The following NAA15 variants were observed in gnomAD, a reference collection of about 807,000 sequenced individuals.
The protein encoded by NAA15 is N-terminal acetyltransferase.
A neutral mutation model predicts 114.0 loss-of-function variants in NAA15; 34 were observed. The observed-to-expected ratio is 0.30, with a 90% confidence interval of 0.23 to 0.40. NAA15 has a LOEUF of 0.40. NAA15 is among the 10% of genes least tolerant of loss of function. The pLI, the probability that NAA15 is intolerant of heterozygous loss-of-function variation, is 1.00. For missense variants in NAA15, 658 were observed against 1,004.5 expected, an observed-to-expected ratio of 0.66 and a Z score of 4.66; for synonymous variants, 340 against 338.0, an observed-to-expected ratio of 1.01 and a Z score of -0.06.
intron 1 of NAA15, among the ~76,000 whole-genome samples, chr4:139,304,670 T>C (rs1015087215): frequency 1.3e-5 from 2 of 152,246 alleles, no homozygotes; most frequent in Non-Finnish European, 2.9e-5. Flanking sequence ...AAAATAGTTT[T>C]TACCTATGGA....
Position 139,351,588 on chromosome 4 carries a change from T to C in NAA15, c.991T>C (p.Ser331Pro). The stretch of plus-strand genomic sequence containing the variant: ...CCCACCAGTCTTCAATACTTTAAGA[T>C]CATTATACAAAGACAAAGAAAAGGT... ...GCPPVFNTLRSLYKDKEKVAI... is the reference protein window; with the variant it reads ...GCPPVFNTLRPLYKDKEKVAI... Residue 331 changes from serine (S) to proline (P), a missense_variant, in exon 9 of 20, where the codon TCA becomes CCA. Around this residue, in one of 6 missense-constraint regions of NAA15, gnomAD observed 281 missense variants for 389.1 expected, o/e 0.72. Transcript: ENST00000296543. The C allele has an allele frequency of 1.3e-6, 2 of 1,570,792 alleles. No individual in the cohort carries two copies. The highest frequency in any genetic ancestry group is 1.8e-6 in the Non-Finnish European group (2 of 1,141,148).
intron 1 of NAA15, among the ~76,000 whole-genome samples, chr4:139,320,590 G>A (rs1465530694): frequency 2.0e-5 from 3 of 151,934 alleles, no homozygotes; most frequent in African/African-American, 4.8e-5. Context: ...GCATGATCTC[G>A]GCTCACTGCA....
At chr4:139,342,479 G>GTT (rs11402847) in intron 4 of NAA15, among the ~76,000 whole-genome samples, 26,521 of 125,336 alleles carry the variant, frequency 0.21, 3,315 homozygotes, top group South Asian at 0.38. Flanking sequence ...ATTAATGTGT[G>GTT]TTTTTTTTTT....
intron 8 of NAA15, 58 bp downstream of exon 8, chr4:139,351,344 C>A: frequency 7.4e-7 from 1 of 1,342,448 alleles, no homozygotes; most frequent in Non-Finnish European, 1.1e-6. Flanking sequence ...AGTTTCTTTT[C>A]TTGGTTTTAA....
chr4:139,323,900 T>C (rs1746703495), intron 1 of NAA15, among the ~76,000 whole-genome samples: 1 of 152,310 alleles, frequency 6.6e-6, no homozygotes, highest in South Asian at 2.1e-4. Flanking sequence ...TATTATCTAT[T>C]AGAACAATTC....
chr4:139,301,813 G>A lies in NAA15; in HGVS notation c.36G>A (p.Ala12=). The change falls in exon 1 of 20, where the codon GCG becomes GCA. Residue 12 remains alanine (A), a synonymous_variant. Coordinates refer to ENST00000296543, the MANE Select transcript of NAA15 (RefSeq NM_057175.5). ...PAVSLPPKEN[A]LFKRILRCYE... ...TGAGCCTCCCGCCCAAGGAGAATGC[G>A]CTCTTCAAGCGGATCTTGGTAAGTG... 2 of 1,593,418 alleles carry A rather than the reference G, an allele frequency of 1.3e-6. No homozygotes were observed.
At chr4:139,325,972 C>T (rs1455762525) in intron 1 of NAA15, among the ~76,000 whole-genome samples, 2 of 152,202 alleles carry the variant, frequency 1.3e-5, no homozygotes, top group African/African-American at 2.4e-5. Context: ...TATAGGTTCA[C>T]ATAAGTATTG....
chr4:139,369,698 A>G (rs1748379366), intron 14 of NAA15, among the ~76,000 whole-genome samples: 1 of 141,052 alleles, frequency 7.1e-6, no homozygotes, highest in Non-Finnish European at 1.5e-5. Flanking sequence ...AGATCTCGCC[A>G]CTGCACTCCA....
At chr4:139,383,898 C>T (rs996966837) in intron 17 of NAA15, among the ~76,000 whole-genome samples, 3 of 152,096 alleles carry the variant, frequency 2.0e-5, no homozygotes, top group African/African-American at 4.8e-5. Context: ...TTAATTGAAA[C>T]GTGTGCCTTA....
intron 1 of NAA15, among the ~76,000 whole-genome samples, chr4:139,324,596 C>A (rs1746728120): frequency 6.6e-6 from 1 of 152,162 alleles, no homozygotes; most frequent in African/African-American, 2.4e-5. Context: ...TAGTATTTTG[C>A]ATTTCACTTT....
intron 10 of NAA15, among the ~76,000 whole-genome samples, chr4:139,354,725 ATTTATTTATAGC>A (rs1747886860): frequency 6.6e-6 from 1 of 152,208 alleles, no homozygotes; most frequent in South Asian, 2.1e-4. Context: ...TCATAATTGA[ATTTATTTATAGC>A]TTCTCCTACT....
chr4:139,378,218 A>G (rs1748644369), intron 16 of NAA15, among the ~76,000 whole-genome samples: 1 of 152,194 alleles, frequency 6.6e-6, no homozygotes. Flanking sequence ...TGGAGATACT[A>G]CTGAATCTTG....
intron 10 of NAA15, 89 bp from the exon 11 acceptor site, chr4:139,357,297 C>T (rs2110948627): frequency 9.4e-7 from 1 of 1,067,304 alleles, no homozygotes; most frequent in Non-Finnish European, 1.4e-6. Context: ...CATAGTACCT[C>T]CCTTGTTAAT....
chr4:139,336,617 A>AT (rs1368585881), intron 2 of NAA15, among the ~76,000 whole-genome samples: 3 of 152,144 alleles, frequency 2.0e-5, no homozygotes, highest in African/African-American at 4.8e-5. Context: ...CTTAAAAAAA[A>AT]GGAGAGTCTC....
Position 139,328,146 on chromosome 4 carries a change from T to G in NAA15, c.55-6028T>G, listed in dbSNP as rs535028815. 4.9e-4 allele frequency among the ~76,000 whole-genome samples: 74 copies of G among 152,194 alleles called. No individual in the cohort carries two copies. In the South Asian group the frequency reaches 0.015, roughly 31 times the overall value. The stretch of plus-strand genomic sequence containing the variant: ...TTTTTTTTCTTCTTCTGAAGTGTCA[T>G]AAAATCTGCTTTACTCTTATCTGGG... On this transcript the variant is annotated intron_variant, in intron 1 of 19. Coordinates refer to ENST00000296543, the MANE Select transcript of NAA15 (RefSeq NM_057175.5).
intron 6 of NAA15, among the ~76,000 whole-genome samples, chr4:139,345,749 T>C (rs1458201589): frequency 6.6e-6 from 1 of 152,092 alleles, no homozygotes; most frequent in Non-Finnish European, 1.5e-5. Context: ...TGAAACCTCG[T>C]CTCTACTAAA....
chr4:139,339,148 A>G (rs915571114), intron 3 of NAA15, among the ~76,000 whole-genome samples: 3 of 152,156 alleles, frequency 2.0e-5, no homozygotes, highest in African/African-American at 7.2e-5. Flanking sequence ...AAGAAACGTT[A>G]TAAGTTTCTG....
In NAA15 at chr4:139,354,052, A is replaced by G. The variant is rs746418549; in HGVS notation, c.1041A>G (p.Val347=). Residue 347 remains valine (V), a synonymous_variant, in exon 10 of 20, where the codon GTA becomes GTG. Coordinates refer to ENST00000296543, the MANE Select transcript of NAA15 (RefSeq NM_057175.5). ...EKVAIIEELV[V]GYETSLKSCR... ...TGGCAATCATAGAAGAGTTAGTAGT[A>G]GGTTATGAAACCTCTCTAAAAAGCT... 1.9e-6 allele frequency: 3 copies of G among 1,613,766 alleles called. No homozygotes were observed. The highest frequency in any genetic ancestry group is 2.5e-6 in the Non-Finnish European group (3 of 1,179,774).
chr4:139,303,271 A>G (rs1233439302), intron 1 of NAA15, among the ~76,000 whole-genome samples: 2 of 152,202 alleles, frequency 1.3e-5, no homozygotes, highest in African/African-American at 4.8e-5. Flanking sequence ...TTACTTTTAA[A>G]CCCTTAAAAA....
Sources: gnomAD v4.1 joint callset for allele counts (sites outside exome capture counted in the v4.1 genomes callset) on GRCh38, gnomAD v4.1.1 for gene constraint, gnomAD v4.1.1 regional missense constraint, MANE v1.5 for transcripts, NCBI Gene and HGNC (gene_info 2026-07-23, HGNC 2026-07-21) for gene names.